COPG1: variants seen among roughly 807,000 people sequenced by gnomAD.
The protein encoded by COPG1 is coatomer subunit gamma-1.
COPG1 carries 29 observed loss-of-function variants against 102.8 expected under a neutral mutation model. The observed-to-expected ratio is 0.28, with a 90% CI of 0.21 to 0.38. The LOEUF is 0.38. Ranked by LOEUF, COPG1 falls within the 10% of genes least tolerant of loss-of-function variation. The probability of loss-of-function intolerance (pLI) is 1.00; values close to 1 mark genes in which losing one functional copy is unlikely to be tolerated. For synonymous variants in COPG1, 406 were observed against 421.6 expected (o/e 0.96, Z 0.45); for missense variants, 875 against 1,132.7 (o/e 0.77, Z 3.27).
At chr3:129,256,316 G>GT (rs1169886664) in intron 8 of COPG1, among the ~76,000 whole-genome samples, 162 bp downstream of exon 8, 3 of 152,210 alleles carry the variant, frequency 2.0e-5, no homozygotes, top group African/African-American at 7.2e-5. Flanking sequence ...GAGGTCCTGG[G>GT]TTAGAGAATC....
intron 10 of COPG1, among the ~76,000 whole-genome samples, chr3:129,258,881 G>A (rs1287425247): frequency 6.6e-6 from 1 of 152,188 alleles, no homozygotes; most frequent in East Asian, 1.9e-4. Context: ...CTATGAAGAG[G>A]TGCAAAGTGG....
chr3:129,268,461 T>C, intron 16 of COPG1, 34 bp from the exon 17 acceptor site: 1 of 1,610,110 alleles, frequency 6.2e-7, no homozygotes, highest in Admixed American at 1.7e-5. Context: ...TTTTGCTCTA[T>C]CTGCCAGGCA....
intron 10 of COPG1, among the ~76,000 whole-genome samples, chr3:129,258,853 T>C (rs1939866213): frequency 6.6e-6 from 1 of 152,162 alleles, no homozygotes; most frequent in Non-Finnish European, 1.5e-5. Context: ...GGGAATACCC[T>C]GTCAGGGAGG....
At chr3:129,268,129 A>G in intron 16 of COPG1, 89 bp downstream of exon 16, 1 of 1,201,136 alleles carries the variant, frequency 8.3e-7, no homozygotes, top group South Asian at 1.3e-5. Flanking sequence ...CAGAGGCAAG[A>G]TGCTCTTGGC....
intron 10 of COPG1, among the ~76,000 whole-genome samples, chr3:129,259,286 C>T (rs1457239830): frequency 1.3e-5 from 2 of 151,988 alleles, no homozygotes; most frequent in Non-Finnish European, 2.9e-5. Flanking sequence ...CATGGTGAAA[C>T]CCCATCTCTA....
chr3:129,270,997 T>C (rs1402683921), intron 18 of COPG1, among the ~76,000 whole-genome samples: 1 of 152,234 alleles, frequency 6.6e-6, no homozygotes, highest in Non-Finnish European at 1.5e-5. Flanking sequence ...CGCCAACCCC[T>C]AGTAATTCTG....
At position 129,275,094 on chromosome 3, in the gene COPG1, C is replaced by A; in HGVS notation, c.2396-100C>A. 6.7e-7 allele frequency: 1 copy of A among 1,495,434 alleles called. No individual in the cohort carries two copies. Among genetic ancestry groups the A allele is most frequent in the Middle Eastern group, 1.7e-4 (1 of 5,766 alleles). 92.6% of individuals were successfully genotyped at this position (1,495,434 alleles called of 1,614,324 possible). On this transcript the variant is annotated intron_variant, in intron 22 of 23. Coordinates refer to ENST00000314797, the MANE Select transcript of COPG1 (RefSeq NM_016128.4). The surrounding 1 kb of genome is among the most constrained non-coding windows in gnomAD (Gnocchi z 5.0). ...AGGGCCATGTCTGGAGCACATATGT[C>A]AAATGCCACTTCATTAAAAGCCCTT...
rs1052122356 is a variant in COPG1 at position 129,257,640 on chromosome 3, A to G, written c.737+13A>G. ...AGGAGGATGGCAGGTAACGGCTCTC[A>G]TCTCTCACCAGCTAGATGATGCCTC... On this transcript the variant is annotated intron_variant, in intron 9 of 23. Transcript: ENST00000314797. The G allele has an allele frequency of 3.1e-6, 5 of 1,614,140 alleles. No homozygotes were observed. Among genetic ancestry groups the G allele is most frequent in the Non-Finnish European group, 2.5e-6 (3 of 1,179,990 alleles).
At chr3:129,257,696 C>A (rs778550950) in intron 9 of COPG1, 31 bp from the exon 10 acceptor site, 2 of 1,613,030 alleles carry the variant, frequency 1.2e-6, no homozygotes, top group East Asian at 2.2e-5. Flanking sequence ...CCACCCCCAA[C>A]GTTTTCTTGC....
At chr3:129,254,782 G>A (rs1219643982) in intron 6 of COPG1, 39 bp downstream of exon 6, 1 of 1,545,106 alleles carries the variant, frequency 6.5e-7, no homozygotes, top group African/African-American at 1.4e-5. Context: ...CTGGCCTCTT[G>A]ATTGAGGCCT....
chr3:129,250,060 T>C lies in COPG1; in HGVS notation c.37+314T>C, dbSNP rs548408531. ...CTTGTTACTTTCTTCGTCCAACCTC[T>C]TGGGATTCGCTGGGGCTACGTTGGT... On this transcript the variant is annotated intron_variant, in intron 1 of 23. Transcript: ENST00000314797. 6.1e-4 allele frequency among the ~76,000 whole-genome samples: 93 copies of C among 151,776 alleles called. 1 individual carries two copies. The highest frequency in any genetic ancestry group is 1.2e-3 in the Non-Finnish European group (81 of 67,926).
intron 17 of COPG1, 93 bp downstream of exon 17, chr3:129,268,713 G>C: frequency 6.8e-7 from 1 of 1,460,834 alleles, no homozygotes; most frequent in Non-Finnish European, 9.4e-7. Context: ...ACTAGGGTGG[G>C]TGGCAGTTAT....
chr3:129,255,429 G>A (rs965382032), intron 7 of COPG1, among the ~76,000 whole-genome samples: 1 of 151,224 alleles, frequency 6.6e-6, no homozygotes, highest in Non-Finnish European at 1.5e-5. Context: ...TACCCGCCTC[G>A]GCCTCCCAAA....
rs760356392 is a variant in COPG1, at chr3:129,249,616, C to A, written c.-94C>A. On this transcript the variant is annotated 5_prime_UTR_variant, in exon 1 of 24. Transcript: ENST00000314797. ...CTGGGCGACGTGGCCAGTCGGGGCC[C>A]GGAAGTGGTCCCTGTAGAACCACTG... 381 of 1,429,496 alleles carry A rather than the reference C, an allele frequency of 2.7e-4. No individual in the cohort carries two copies. Among genetic ancestry groups the A allele is most frequent in the Non-Finnish European group, 3.5e-4 (368 of 1,046,666 alleles). 88.6% of individuals were successfully genotyped at this position (1,429,496 alleles called of 1,614,324 possible).
At chr3:129,262,878 G>A (rs754526313) in intron 12 of COPG1, among the ~76,000 whole-genome samples, 6 of 151,568 alleles carry the variant, frequency 4.0e-5, no homozygotes, top group Non-Finnish European at 8.8e-5. Context: ...AAAATTAGCT[G>A]GTGTAGTGGC....
intron 5 of COPG1, among the ~76,000 whole-genome samples, chr3:129,253,991 A>G (rs1288458414): frequency 8.5e-5 from 12 of 141,282 alleles, no homozygotes; most frequent in Non-Finnish European, 1.7e-4. Flanking sequence ...ACAGAACGAG[A>G]CTGCGTCTCA....
chr3:129,258,075 T>C (rs1438896563), intron 10 of COPG1, among the ~76,000 whole-genome samples: 1 of 152,222 alleles, frequency 6.6e-6, no homozygotes, highest in East Asian at 1.9e-4. Flanking sequence ...CTGAAGAGGC[T>C]GAGGTAAGGC....
At chr3:129,253,292 C>G (rs1939737598) in intron 5 of COPG1, among the ~76,000 whole-genome samples, 2 of 152,174 alleles carry the variant, frequency 1.3e-5, no homozygotes, top group African/African-American at 4.8e-5. Context: ...TACTAAGTGA[C>G]TGGTGTCTGC....
Position 129,250,666 on chromosome 3 carries a change from T to C in COPG1, c.38-16T>C. ...TCAGAGTCACAACCTACCTTCTCCA[T>C]TGTCCTTGACCGTAGGTGGAGGCTC... On this transcript the variant is annotated splice_polypyrimidine_tract_variant and intron_variant, in intron 1 of 23. Transcript: ENST00000314797. The C allele has an allele frequency of 1.2e-6, 2 of 1,612,366 alleles. No homozygotes were observed. The highest frequency in any genetic ancestry group is 1.7e-6 in the Non-Finnish European group (2 of 1,178,526).
Sources: allele counts gnomAD v4.1 joint callset (sites outside exome capture counted in the v4.1 genomes callset), GRCh38; gene constraint gnomAD v4.1.1; non-coding constraint Gnocchi (gnomAD v3.1); transcripts MANE v1.5; gene names NCBI Gene and HGNC (gene_info 2026-07-23, HGNC 2026-07-21).